The following MOXD1 variants were observed in gnomAD, a reference collection of about 807,000 sequenced individuals.
MOXD1 encodes the protein DBH-like monooxygenase protein 1.
Under a neutral mutation model 66.6 loss-of-function variants are expected in MOXD1, and 62 were observed. The observed-to-expected ratio is 0.93, with a 90% CI of 0.76 to 1.15. The LOEUF is 1.15. Ranked by LOEUF, MOXD1 falls within the 50% of genes most tolerant of loss-of-function variation. The pLI is 0.00. For synonymous variants in MOXD1, 303 were observed against 281.9 expected, an observed-to-expected ratio of 1.07 and a Z score of -0.75; for missense variants, 847 against 754.6, an observed-to-expected ratio of 1.12 and a Z score of -1.44.
chr6:132,351,812 T>C (rs1191505727), intron 4 of MOXD1, among the ~76,000 whole-genome samples: 1 of 152,194 alleles, frequency 6.6e-6, no homozygotes, highest in African/African-American at 2.4e-5. Context: ...TCTCACTGCT[T>C]GCTATTGGTC....
intron 4 of MOXD1, among the ~76,000 whole-genome samples, chr6:132,370,621 C>T (rs1165764185): frequency 6.6e-6 from 1 of 152,030 alleles, no homozygotes; most frequent in African/African-American, 2.4e-5. Flanking sequence ...CCTGTAACAA[C>T]AAAAGTTTGT....
At chr6:132,310,072 A>T (rs11754360) in intron 10 of MOXD1, among the ~76,000 whole-genome samples, 9,085 of 152,320 alleles carry the variant, frequency 0.06, 329 homozygotes, top group African/African-American at 0.077. Flanking sequence ...GACAACCTAC[A>T]GAATGGGAGA....
At chr6:132,314,788 C>T (rs1774905669) in intron 10 of MOXD1, among the ~76,000 whole-genome samples, 1 of 152,186 alleles carries the variant, frequency 6.6e-6, no homozygotes, top group Admixed American at 6.5e-5. Context: ...ACATCTATTA[C>T]TATTTAAAAT....
intron 4 of MOXD1, among the ~76,000 whole-genome samples, chr6:132,337,244 T>C (rs1399696843): frequency 6.6e-6 from 1 of 152,150 alleles, no homozygotes; most frequent in Non-Finnish European, 1.5e-5. Flanking sequence ...CAAATAAAAG[T>C]CCTGATTAAT....
At chr6:132,302,775 G>T (rs1403888433) in intron 10 of MOXD1, among the ~76,000 whole-genome samples, 1 of 151,988 alleles carries the variant, frequency 6.6e-6, no homozygotes, top group Non-Finnish European at 1.5e-5. Flanking sequence ...AAATGACAAA[G>T]TTTTGGAGAC....
chr6:132,301,653 T>C (rs1190067497), intron 10 of MOXD1, among the ~76,000 whole-genome samples: 1 of 152,066 alleles, frequency 6.6e-6, no homozygotes, highest in Non-Finnish European at 1.5e-5. Flanking sequence ...TATAGCTAAA[T>C]GAACTATATT....
In MOXD1 at chr6:132,302,404, G is replaced by GA. The variant is rs540277648; in HGVS notation, c.1509-4450dup. Among the ~76,000 whole-genome samples, 49 of 152,162 alleles carry GA rather than the reference G, an allele frequency of 3.2e-4. No homozygotes were observed. In the East Asian group the frequency reaches 7.7e-3, roughly 24 times the overall value. ...ATGTAAATGTGAATCTAAACTAGAA[G>GA]AAAAAATCAGTCAATACTCCAAGAT... On this transcript the variant is annotated intron_variant, in intron 10 of 11. Coordinates refer to ENST00000367963, the MANE Select transcript of MOXD1 (RefSeq NM_015529.4).
At chr6:132,391,961 A>G (rs1776774779) in intron 1 of MOXD1, 6 of 471,102 alleles carry the variant, frequency 1.3e-5, no homozygotes, top group Non-Finnish European at 2.2e-5. Context: ...ACAAAGCACG[A>G]CACTTGGAGA....
intron 1 of MOXD1, among the ~76,000 whole-genome samples, chr6:132,388,764 T>G (rs539955331): frequency 6.6e-6 from 1 of 151,470 alleles, no homozygotes; most frequent in African/African-American, 2.4e-5. Flanking sequence ...TTCTCTTGGC[T>G]TAAATACAAG....
chr6:132,381,383 A>G (rs1776505327), intron 1 of MOXD1, among the ~76,000 whole-genome samples: 2 of 152,246 alleles, frequency 1.3e-5, no homozygotes, highest in Admixed American at 6.5e-5. Context: ...AATGCTGTCA[A>G]TATTATACAA....
intron 10 of MOXD1, among the ~76,000 whole-genome samples, chr6:132,303,923 G>C (rs1456069611): frequency 3.8e-5 from 5 of 133,216 alleles, no homozygotes; most frequent in Non-Finnish European, 6.2e-5. Context: ...GGTGGCCCTG[G>C]ACCAATCCAA....
intron 10 of MOXD1, among the ~76,000 whole-genome samples, chr6:132,302,268 G>A (rs958934699): frequency 2.6e-5 from 4 of 152,040 alleles, no homozygotes; most frequent in Admixed American, 6.6e-5. Context: ...CTAGACTCAC[G>A]CTAACAAGGT....
chr6:132,331,517 G>C (rs959037298), intron 4 of MOXD1, among the ~76,000 whole-genome samples: 1 of 152,010 alleles, frequency 6.6e-6, no homozygotes, highest in Non-Finnish European at 1.5e-5. Context: ...GTCTTCATAG[G>C]AAGTGCTAAA....
intron 1 of MOXD1, 53 bp from the exon 2 acceptor site, chr6:132,374,830 G>T (rs760573724): frequency 1.3e-6 from 2 of 1,492,452 alleles, no homozygotes; most frequent in Non-Finnish European, 9.3e-7. Context: ...AGAGAGAAAA[G>T]AATTCATAGG....
chr6:132,304,047 C>G (rs141627733), intron 10 of MOXD1, among the ~76,000 whole-genome samples: 1 of 150,980 alleles, frequency 6.6e-6, no homozygotes, highest in Non-Finnish European at 1.5e-5. Flanking sequence ...GTTCCAGTAC[C>G]CCCAATAGGG....
chr6:132,361,991 T>C (rs1776026274), intron 4 of MOXD1, among the ~76,000 whole-genome samples: 1 of 152,114 alleles, frequency 6.6e-6, no homozygotes, highest in Non-Finnish European at 1.5e-5. Context: ...AATATCTCAC[T>C]TATCAAAAGT....
chr6:132,310,887 A>T (rs923251658), intron 10 of MOXD1, among the ~76,000 whole-genome samples: 1 of 152,070 alleles, frequency 6.6e-6, no homozygotes, highest in African/African-American at 2.4e-5. Context: ...AGATGGGCCA[A>T]TAAGTGCAGC....
intron 4 of MOXD1, among the ~76,000 whole-genome samples, chr6:132,350,963 G>T (rs1436481609): frequency 6.6e-6 from 1 of 152,104 alleles, no homozygotes; most frequent in East Asian, 1.9e-4. Context: ...TTGAAGTATA[G>T]AAGAGCTACT....
At chr6:132,348,575 G>C (rs1406066415) in intron 4 of MOXD1, among the ~76,000 whole-genome samples, 1 of 152,058 alleles carries the variant, frequency 6.6e-6, no homozygotes, top group Non-Finnish European at 1.5e-5. Flanking sequence ...AATATTCTCA[G>C]GTATGCAGCC....
Sources: allele counts gnomAD v4.1 joint callset (sites outside exome capture counted in the v4.1 genomes callset), GRCh38; gene constraint gnomAD v4.1.1; transcripts MANE v1.5; gene names NCBI Gene and HGNC (gene_info 2026-07-23, HGNC 2026-07-21).